The following CCDC102B variants were observed in gnomAD, a reference collection of about 807,000 sequenced individuals.
CCDC102B encodes the protein coiled-coil domain-containing protein 102B.
In CCDC102B, 75 loss-of-function variants were observed where a neutral mutation model predicts 57.4. That is an observed-to-expected ratio of 1.31 (90% confidence interval 1.08 to 1.58). The LOEUF is 1.58. Among genes scored for constraint, CCDC102B ranks in the 40% most tolerant of loss-of-function variants. The pLI, the probability that CCDC102B is intolerant of heterozygous loss-of-function variation, is 0.00. For synonymous variants in CCDC102B, 206 were observed against 201.9 expected, an observed-to-expected ratio of 1.02 and a Z score of -0.17; for missense variants, 636 against 582.6, an observed-to-expected ratio of 1.09 and a Z score of -0.94.
At chr18:68,811,048 A>G (rs1453399423) in intron 1 of CCDC102B, among the ~76,000 whole-genome samples, 1 of 152,144 alleles carries the variant, frequency 6.6e-6, no homozygotes, top group East Asian at 1.9e-4. Flanking sequence ...TTATGGCTGC[A>G]TAGTATTCCA....
At chr18:68,831,620 T>A (rs73460021) in intron 1 of CCDC102B, among the ~76,000 whole-genome samples, 3,410 of 152,264 alleles carry the variant, frequency 0.022, 102 homozygotes, top group African/African-American at 0.064. Flanking sequence ...CTGTACAATT[T>A]AAAAGCCTCT....
chr18:68,744,896 G>A (rs115543952), intron 2 of CCDC102B, among the ~76,000 whole-genome samples: 145 of 152,312 alleles, frequency 9.5e-4, no homozygotes, highest in Middle Eastern at 3.4e-3. Flanking sequence ...GTAGTAGTTA[G>A]CACTGGGGAT....
chr18:68,909,473 T>C (rs1323289839), intron 6 of CCDC102B, among the ~76,000 whole-genome samples: 4 of 152,224 alleles, frequency 2.6e-5, no homozygotes, highest in African/African-American at 9.6e-5. Flanking sequence ...TACCAATAAG[T>C]ATTTTCACAT....
In CCDC102B at chr18:69,054,192, TC is replaced by T; in HGVS notation, c.*57del. The T allele has an allele frequency of 1.3e-6, 2 of 1,503,488 alleles. No homozygotes were observed. The highest frequency in any genetic ancestry group is 1.4e-5 in the African/African-American group (1 of 69,774). The allele number at this position is 1,503,488 out of a possible 1,614,324, so 93.1% of individuals were successfully genotyped here. A position where few individuals can be genotyped will look rare whatever the true frequency, so the allele number is the denominator to read the frequency against. On this transcript the variant is annotated 3_prime_UTR_variant, in exon 8 of 8. Coordinates refer to ENST00000360242, the MANE Select transcript of CCDC102B (RefSeq NM_024781.3). Reference sequence around the variant, plus strand: ...TTAGGGCCTTAAAGACATTTCCATATCCTTTTCTTAAATATCAGTAAAATTG... The same window carrying T: ...TTAGGGCCTTAAAGACATTTCCATATCTTTTCTTAAATATCAGTAAAATTG...
At chr18:68,948,417 G>A (rs2145189582) in intron 6 of CCDC102B, among the ~76,000 whole-genome samples, 1 of 152,118 alleles carries the variant, frequency 6.6e-6, no homozygotes, top group Admixed American at 6.6e-5. Context: ...TCTAACACAT[G>A]CTATCTTTAT....
chr18:68,904,454 AT>A (rs1219279450), intron 6 of CCDC102B, among the ~76,000 whole-genome samples: 1 of 152,194 alleles, frequency 6.6e-6, no homozygotes, highest in Admixed American at 6.5e-5. Context: ...TTTTGTGTAC[AT>A]TTTAAAGTGT....
intron 6 of CCDC102B, among the ~76,000 whole-genome samples, chr18:68,916,685 C>A (rs1448786575): frequency 6.6e-6 from 1 of 152,154 alleles, no homozygotes; most frequent in Admixed American, 6.5e-5. Context: ...ATGAGGCTTA[C>A]AGTCAAGTGG....
chr18:68,962,746 T>A (rs1296142961), intron 6 of CCDC102B, among the ~76,000 whole-genome samples: 4 of 152,080 alleles, frequency 2.6e-5, no homozygotes, highest in Non-Finnish European at 5.9e-5. Flanking sequence ...CTTATGAATA[T>A]GTCTATATCC....
rs538219009 is a variant in CCDC102B, at chr18:68,915,722, G to A, written c.1263+18294G>A. Among the ~76,000 whole-genome samples the A allele has an allele frequency of 2.6e-5, 4 of 152,262 alleles. No individual in the cohort carries two copies. The South Asian group carries it at 6.2e-4, about 24-fold the overall frequency. On this transcript the variant is annotated intron_variant, in intron 6 of 7. Transcript: ENST00000360242. ...ATCAGCCTAATACCATATGAGGAATGCCTCTCTCATTATTTCCGATAAGAT... is the reference window on the plus strand; with the variant it reads ...ATCAGCCTAATACCATATGAGGAATACCTCTCTCATTATTTCCGATAAGAT...
At chr18:68,991,999 A>AGCTTTG (rs2050880761) in intron 6 of CCDC102B, among the ~76,000 whole-genome samples, 1 of 152,040 alleles carries the variant, frequency 6.6e-6, no homozygotes, top group Non-Finnish European at 1.5e-5. Context: ...ATTAGGCTTT[A>AGCTTTG]TAATTTTTTC....
intron 2 of CCDC102B, among the ~76,000 whole-genome samples, chr18:68,787,034 T>C (rs1288411253): frequency 4.6e-5 from 7 of 151,280 alleles, no homozygotes; most frequent in African/African-American, 1.7e-4. Context: ...GTTTTTAGCA[T>C]GAAGGGTTGT....
intron 7 of CCDC102B, among the ~76,000 whole-genome samples, chr18:69,032,581 C>A (rs1342398808): frequency 6.6e-6 from 1 of 152,132 alleles, no homozygotes; most frequent in Non-Finnish European, 1.5e-5. Flanking sequence ...GACTATTCTA[C>A]AATTTAGAAA....
chr18:68,734,025 A>C (rs118044203), intron 2 of CCDC102B, among the ~76,000 whole-genome samples: 3 of 152,348 alleles, frequency 2.0e-5, no homozygotes, highest in Non-Finnish European at 2.9e-5. Flanking sequence ...ATTTAGAATG[A>C]AGATTTATCA....
In CCDC102B at chr18:69,055,000, A is replaced by C. The variant is rs972803616; in HGVS notation, c.*863A>C. 1.0e-4 allele frequency: 100 copies of C among 982,788 alleles called. No homozygotes were observed. The highest frequency in any genetic ancestry group is 2.5e-5 in the Non-Finnish European group (21 of 827,730). The allele number at this position is 982,788 out of a possible 1,614,324, so 60.9% of individuals were successfully genotyped here. On this transcript the variant is annotated 3_prime_UTR_variant, in exon 8 of 8. Coordinates refer to ENST00000360242, the MANE Select transcript of CCDC102B (RefSeq NM_024781.3). The stretch of plus-strand genomic sequence containing the variant: ...GCTTCATATTTAAGTTTAGTTTTTA[A>C]GGTAAAATGTTATTTTGAACAAAAA...
chr18:68,853,941 G>A (rs2038261436), intron 4 of CCDC102B, among the ~76,000 whole-genome samples: 1 of 152,072 alleles, frequency 6.6e-6, no homozygotes. Context: ...GATGTGCCCT[G>A]AGACATTTTT....
chr18:68,897,218 G>T lies in CCDC102B; in HGVS notation c.1054-1G>T. 6.2e-7 allele frequency: 1 copy of T among 1,611,008 alleles called. No individual in the cohort carries two copies. The stretch of plus-strand genomic sequence containing the variant: ...TGCTTCTTTGTGTTTTCTGTGTGTA[G>T]CTAGAGAGATTGCAAGCTGAAAATA... On this transcript the variant is annotated splice_acceptor_variant, in intron 5 of 7. Transcript: ENST00000360242. LOFTEE classifies it high-confidence loss of function.
chr18:69,001,830 C>T (rs1194171629), intron 6 of CCDC102B, among the ~76,000 whole-genome samples: 2 of 152,180 alleles, frequency 1.3e-5, no homozygotes, highest in African/African-American at 4.8e-5. Context: ...AATGATATCT[C>T]AGATAATAGA....
At chr18:69,018,627 T>C (rs903381980) in intron 7 of CCDC102B, among the ~76,000 whole-genome samples, 2 of 152,300 alleles carry the variant, frequency 1.3e-5, no homozygotes, top group African/African-American at 4.8e-5. Flanking sequence ...TTTTTGGGTA[T>C]TTTTGCTATT....
chr18:69,016,621 C>T (rs2051676373), intron 7 of CCDC102B, among the ~76,000 whole-genome samples: 1 of 152,146 alleles, frequency 6.6e-6, no homozygotes, highest in Non-Finnish European at 1.5e-5. Context: ...AATAATATTA[C>T]ATTTTGCTTT....
Sources: allele counts gnomAD v4.1 joint callset (sites outside exome capture counted in the v4.1 genomes callset), GRCh38; gene constraint gnomAD v4.1.1; transcripts MANE v1.5; gene names NCBI Gene and HGNC (gene_info 2026-07-23, HGNC 2026-07-21).